LPP: variants seen among roughly 807,000 people sequenced by gnomAD.
The protein encoded by LPP is lipoma-preferred partner.
A neutral mutation model predicts 60.4 loss-of-function variants in LPP; 38 were observed. The ratio of observed to expected loss-of-function variants is 0.63; its 90% CI spans 0.49 to 0.83. LPP has a LOEUF of 0.83. Ranked by LOEUF, LPP falls within the 40% of genes least tolerant of loss-of-function variation. The pLI is 0.00. For missense variants in LPP, 902 were observed against 783.6 expected (o/e 1.15, Z -1.80); for synonymous variants, 328 against 290.8 (o/e 1.13, Z -1.30).
chr3:188,658,258 C>T (rs1853798420), intron 7 of LPP, among the ~76,000 whole-genome samples: 1 of 150,326 alleles, frequency 6.7e-6, no homozygotes, highest in African/African-American at 2.4e-5. Context: ...ATTCTCCCTG[C>T]CTCAGCCTCC....
At chr3:188,640,318 T>C (rs1316422022) in intron 7 of LPP, among the ~76,000 whole-genome samples, 1 of 142,110 alleles carries the variant, frequency 7.0e-6, no homozygotes, top group East Asian at 2.1e-4. Flanking sequence ...AATTGAACAA[T>C]GAGATCACAT....
chr3:188,324,773 C>A (rs1757933474), intron 2 of LPP, among the ~76,000 whole-genome samples: 1 of 152,144 alleles, frequency 6.6e-6, no homozygotes, highest in Non-Finnish European at 1.5e-5. Flanking sequence ...CACACCCCTC[C>A]CCTTAAGCCA....
chr3:188,235,182 G>C (rs1184748986), intron 2 of LPP, among the ~76,000 whole-genome samples: 2 of 152,194 alleles, frequency 1.3e-5, no homozygotes, highest in East Asian at 3.9e-4. Context: ...AGGTGGTGCT[G>C]TCCTGGGTCT....
chr3:188,485,796 C>CAAAAAAAAAAAA (rs766522013), intron 5 of LPP, among the ~76,000 whole-genome samples: 7,153 of 40,002 alleles, frequency 0.18, 1,880 homozygotes, highest in Non-Finnish European at 0.23. Flanking sequence ...GACTCCGTCT[C>CAAAAAAAAAAAA]AAAAAAAAAA....
At chr3:188,263,511 C>T (rs535652084) in intron 2 of LPP, among the ~76,000 whole-genome samples, 5 of 152,278 alleles carry the variant, frequency 3.3e-5, no homozygotes, top group African/African-American at 1.2e-4. Flanking sequence ...TGTGGAGATA[C>T]AGTAAGGTAG....
chr3:188,756,564 T>C (rs928219892), intron 8 of LPP, among the ~76,000 whole-genome samples: 4 of 152,224 alleles, frequency 2.6e-5, no homozygotes, highest in East Asian at 1.9e-4. Flanking sequence ...GCATACACTA[T>C]GCTTGAGTAA....
chr3:188,725,662 A>G (rs1217932608), intron 8 of LPP, among the ~76,000 whole-genome samples: 7 of 152,226 alleles, frequency 4.6e-5, no homozygotes, highest in African/African-American at 1.7e-4. Context: ...TTGAAGGCCT[A>G]TGATATGCCA....
At chr3:188,170,042 A>G (rs1721097708) in intron 1 of LPP, among the ~76,000 whole-genome samples, 1 of 152,208 alleles carries the variant, frequency 6.6e-6, no homozygotes, top group Admixed American at 6.5e-5. Flanking sequence ...ACAGAATAAC[A>G]GTGAAATTCT....
At chr3:188,433,019 C>T (rs535248598) in intron 4 of LPP, among the ~76,000 whole-genome samples, 4 of 152,218 alleles carry the variant, frequency 2.6e-5, no homozygotes, top group South Asian at 2.1e-4. Context: ...ACCAGAAAAA[C>T]GAGCAGGGGC....
intron 3 of LPP, among the ~76,000 whole-genome samples, chr3:188,375,574 T>G (rs1381253377): frequency 6.6e-6 from 1 of 152,202 alleles, no homozygotes; most frequent in Non-Finnish European, 1.5e-5. Flanking sequence ...CATTTTTTAT[T>G]GCGTCTATTT....
At chr3:188,837,123 C>T (rs1758638388) in intron 9 of LPP, among the ~76,000 whole-genome samples, 1 of 152,070 alleles carries the variant, frequency 6.6e-6, no homozygotes, top group Admixed American at 6.6e-5. Context: ...GAAATCTGGG[C>T]TTCCCAGCAG....
chr3:188,370,349 AGTTCGCAC>A (rs1772653417), intron 3 of LPP, among the ~76,000 whole-genome samples: 1 of 152,180 alleles, frequency 6.6e-6, no homozygotes, highest in Admixed American at 6.5e-5. Flanking sequence ...GTGGGGCTGG[AGTTCGCAC>A]GTTGCTCTTG....
chr3:188,304,196 C>T (rs1307364944), intron 2 of LPP, among the ~76,000 whole-genome samples: 1 of 152,066 alleles, frequency 6.6e-6, no homozygotes, highest in African/African-American at 2.4e-5. Flanking sequence ...TCTCAGAGGG[C>T]AAATAGATTT....
At chr3:188,307,500 A>G (rs1284823997) in intron 2 of LPP, among the ~76,000 whole-genome samples, 2 of 152,140 alleles carry the variant, frequency 1.3e-5, no homozygotes, top group Non-Finnish European at 2.9e-5. Flanking sequence ...CCTGTACTCT[A>G]TTTTATTTTT....
At chr3:188,198,601 A>G (rs996509296) in intron 1 of LPP, among the ~76,000 whole-genome samples, 5 of 152,174 alleles carry the variant, frequency 3.3e-5, no homozygotes, top group African/African-American at 1.2e-4. Context: ...CATTTTACAG[A>G]TGAGGTAATA....
At chr3:188,466,452 C>T (rs944961887) in intron 4 of LPP, among the ~76,000 whole-genome samples, 2 of 152,030 alleles carry the variant, frequency 1.3e-5, no homozygotes, top group African/African-American at 4.8e-5. Context: ...GAGAGGGCTA[C>T]TAAGCAGTTT....
At chr3:188,307,360 A>G (rs1474739772) in intron 2 of LPP, among the ~76,000 whole-genome samples, 3 of 152,184 alleles carry the variant, frequency 2.0e-5, no homozygotes, top group Admixed American at 2.0e-4. Flanking sequence ...TCCACCCCCA[A>G]GCTCATTAAA....
At chr3:188,350,191 T>C (rs1044984094) in intron 3 of LPP, among the ~76,000 whole-genome samples, 8 of 152,024 alleles carry the variant, frequency 5.3e-5, no homozygotes, top group African/African-American at 1.9e-4. Flanking sequence ...TGCTAAGAAA[T>C]TGAAGGAGGG....
intron 3 of LPP, among the ~76,000 whole-genome samples, chr3:188,361,787 C>T (rs1327948462): frequency 1.3e-5 from 2 of 152,002 alleles, no homozygotes; most frequent in African/African-American, 2.4e-5. Flanking sequence ...AGGCTGGTCT[C>T]GAACTCCTGA....
Sources: allele counts gnomAD v4.1 joint callset (sites outside exome capture counted in the v4.1 genomes callset), GRCh38; gene constraint gnomAD v4.1.1; transcripts MANE v1.5; gene names NCBI Gene and HGNC (gene_info 2026-07-23, HGNC 2026-07-21).